CTNNA3: variants seen among roughly 807,000 people sequenced by gnomAD.
CTNNA3 encodes catenin alpha-3.
CTNNA3 carries 76 observed loss-of-function variants against 95.7 expected under a neutral mutation model. The ratio of observed to expected loss-of-function variants is 0.79; its 90% CI spans 0.66 to 0.96. The LOEUF (loss-of-function observed/expected upper bound fraction) is 0.96. Among genes scored for constraint, CTNNA3 ranks in the 40% least tolerant of loss-of-function variants. CTNNA3 has a pLI of 0.00. For synonymous variants in CTNNA3, 431 were observed against 374.4 expected, an observed-to-expected ratio of 1.15 and a Z score of -1.74; for missense variants, 1,191 against 1,089.8, an observed-to-expected ratio of 1.09 and a Z score of -1.31.
chr10:66,964,318 T>G (rs1849284149), intron 7 of CTNNA3, among the ~76,000 whole-genome samples: 4 of 151,940 alleles, frequency 2.6e-5, no homozygotes, highest in African/African-American at 7.3e-5. Context: ...ATGTTTACAT[T>G]GGTGGGGGAG....
intron 7 of CTNNA3, among the ~76,000 whole-genome samples, chr10:66,918,873 T>C (rs970427129): frequency 1.3e-5 from 2 of 152,076 alleles, no homozygotes; most frequent in Non-Finnish European, 2.9e-5. Flanking sequence ...CGGTGGCTCA[T>C]GCCTGTAATC....
intron 17 of CTNNA3, among the ~76,000 whole-genome samples, chr10:65,954,915 T>G (rs370223618): frequency 2.0e-5 from 3 of 152,348 alleles, no homozygotes; most frequent in African/African-American, 7.2e-5. Flanking sequence ...TTTTTCCAAT[T>G]CTGTGAAGGA....
chr10:67,437,911 T>C (rs1283632863), intron 5 of CTNNA3, among the ~76,000 whole-genome samples: 2 of 151,076 alleles, frequency 1.3e-5, no homozygotes, highest in African/African-American at 2.4e-5. Flanking sequence ...AATAATGGCT[T>C]GGAGGAAAAT....
Position 65,914,840 on chromosome 10 carries a change from TA to T in CTNNA3, c.*5489del, listed in dbSNP as rs2076987126. 6.6e-6 allele frequency: 1 copy of T among 152,142 alleles called. No homozygotes were observed. The highest frequency in any genetic ancestry group is 2.4e-5 in the African/African-American group (1 of 41,424). 9.4% of individuals were successfully genotyped at this position (152,142 alleles called of 1,614,324 possible). On this transcript the variant is annotated 3_prime_UTR_variant, in exon 18 of 18. Coordinates refer to ENST00000433211, the MANE Select transcript of CTNNA3 (RefSeq NM_013266.4). ...ATGTACCTGACACTCTACATTCAGT[TA>T]ATAGAGGTGAGAATATTCAGCTAAT...
intron 11 of CTNNA3, among the ~76,000 whole-genome samples, chr10:66,511,635 G>A (rs565211470): frequency 1.1e-4 from 17 of 151,726 alleles, no homozygotes; most frequent in African/African-American, 3.9e-4. Flanking sequence ...TGTCATTCAG[G>A]AGAATGTTGT....
chr10:67,455,641 T>G (rs1296981899), intron 5 of CTNNA3, among the ~76,000 whole-genome samples: 2 of 152,238 alleles, frequency 1.3e-5, no homozygotes, highest in South Asian at 2.1e-4. Flanking sequence ...ACCTTTGTGG[T>G]CATCCTCCCC....
At chr10:66,566,931 G>A (rs909794019) in intron 10 of CTNNA3, among the ~76,000 whole-genome samples, 10 of 150,398 alleles carry the variant, frequency 6.6e-5, no homozygotes. Context: ...AGGTGGAGAG[G>A]TGGGAGGGAG....
intron 9 of CTNNA3, among the ~76,000 whole-genome samples, chr10:66,633,505 C>T (rs1845223454): frequency 6.6e-6 from 1 of 151,962 alleles, no homozygotes; most frequent in Non-Finnish European, 1.5e-5. Context: ...ATGGTGAAAC[C>T]CCGTCTCTAC....
chr10:67,226,147 CA>C (rs1319460908), intron 5 of CTNNA3, among the ~76,000 whole-genome samples: 3 of 152,052 alleles, frequency 2.0e-5, no homozygotes, highest in Non-Finnish European at 4.4e-5. Flanking sequence ...GACAGGTCTT[CA>C]AATTAACCCA....
At chr10:67,607,656 A>G (rs1843324141) in intron 2 of CTNNA3, among the ~76,000 whole-genome samples, 2 of 152,226 alleles carry the variant, frequency 1.3e-5, no homozygotes, top group Non-Finnish European at 2.9e-5. Context: ...TGTATTTCAT[A>G]GTAACATGAC....
chr10:66,640,161 C>CT (rs746332234), intron 9 of CTNNA3, among the ~76,000 whole-genome samples: 21 of 152,160 alleles, frequency 1.4e-4, no homozygotes, highest in Non-Finnish European at 2.2e-4. Flanking sequence ...CTCTCAACTC[C>CT]TCTTTCCTGT....
intron 7 of CTNNA3, among the ~76,000 whole-genome samples, chr10:67,002,155 C>T (rs747049401): frequency 1.2e-4 from 19 of 152,192 alleles, no homozygotes; most frequent in Non-Finnish European, 2.5e-4. Context: ...ATTCAATTCA[C>T]TAATTTCCCC....
chr10:67,702,432 G>C (rs1259962249), intron 1 of CTNNA3, among the ~76,000 whole-genome samples: 3 of 152,164 alleles, frequency 2.0e-5, no homozygotes, highest in African/African-American at 4.8e-5. Flanking sequence ...CTGTCTCTCA[G>C]ACCACAGTGC....
intron 7 of CTNNA3, among the ~76,000 whole-genome samples, chr10:66,785,336 T>C (rs1370427434): frequency 6.6e-6 from 1 of 152,210 alleles, no homozygotes; most frequent in Admixed American, 6.5e-5. Flanking sequence ...TTTCTGAAGC[T>C]GTTTTCAGAA....
intron 1 of CTNNA3, among the ~76,000 whole-genome samples, chr10:67,709,816 T>C (rs1841097084): frequency 6.6e-6 from 1 of 152,174 alleles, no homozygotes; most frequent in South Asian, 2.1e-4. Context: ...CACTTGCCCA[T>C]GCTGTATTGA....
At chr10:66,187,887 G>A (rs2086425884) in intron 13 of CTNNA3, among the ~76,000 whole-genome samples, 1 of 151,782 alleles carries the variant, frequency 6.6e-6, no homozygotes, top group South Asian at 2.1e-4. Flanking sequence ...CCATTCACAG[G>A]GAGAAAAAAA....
chr10:66,951,306 G>A (rs1848527625), intron 7 of CTNNA3, among the ~76,000 whole-genome samples: 1 of 151,862 alleles, frequency 6.6e-6, no homozygotes, highest in Non-Finnish European at 1.5e-5. Context: ...AGTAGAGATG[G>A]GGTTTCACCA....
chr10:66,281,391 G>A (rs78339530), intron 12 of CTNNA3, among the ~76,000 whole-genome samples: 1,817 of 151,938 alleles, frequency 0.012, 43 homozygotes, highest in African/African-American at 0.041. Flanking sequence ...TTTTCTAAGT[G>A]TTCAATGTGA....
At chr10:67,378,210 T>A (rs1843769720) in intron 5 of CTNNA3, among the ~76,000 whole-genome samples, 1 of 152,196 alleles carries the variant, frequency 6.6e-6, no homozygotes, top group African/African-American at 2.4e-5. Flanking sequence ...ACACTTAATA[T>A]AACAAAAGAT....
Sources: gnomAD v4.1 joint callset for allele counts (sites outside exome capture counted in the v4.1 genomes callset) on GRCh38, gnomAD v4.1.1 for gene constraint, MANE v1.5 for transcripts, NCBI Gene and HGNC (gene_info 2026-07-23, HGNC 2026-07-21) for gene names.